The following MCU variants were observed in gnomAD, a reference collection of about 807,000 sequenced individuals.
MCU encodes mitochondrial calcium uniporter.
Under a neutral mutation model 45.2 loss-of-function variants are expected in MCU, and 12 were observed. The ratio of observed to expected loss-of-function variants is 0.27; its 90% CI spans 0.17 to 0.43. The LOEUF (loss-of-function observed/expected upper bound fraction) is 0.43. Among genes scored for constraint, MCU ranks in the 20% least tolerant of loss-of-function variants. The probability of loss-of-function intolerance (pLI) is 1.00; values close to 1 mark genes in which losing one functional copy is unlikely to be tolerated. For synonymous variants in MCU, 160 were observed against 165.1 expected (o/e 0.97, Z 0.24); for missense variants, 324 against 436.7 (o/e 0.74, Z 2.30).
chr10:72,805,258 T>C (rs1207817044), intron 1 of MCU, among the ~76,000 whole-genome samples: 2 of 149,306 alleles, frequency 1.3e-5, no homozygotes, highest in Non-Finnish European at 3.0e-5. Context: ...CCTTTCTTCT[T>C]TTTTTTTGGA....
At chr10:72,814,305 C>T (rs12146246) in intron 1 of MCU, among the ~76,000 whole-genome samples, 68,544 of 152,014 alleles carry the variant, frequency 0.45, 19,876 homozygotes, top group Non-Finnish European at 0.67. Flanking sequence ...GCTGCTGGAA[C>T]GGATCTCCAA....
At chr10:72,813,703 C>T (rs1844581289) in intron 1 of MCU, among the ~76,000 whole-genome samples, 1 of 152,034 alleles carries the variant, frequency 6.6e-6, no homozygotes, top group African/African-American at 2.4e-5. Flanking sequence ...AAGTGATCTG[C>T]CCGCCTCAGC....
chr10:72,799,619 A>G (rs1390640296), intron 1 of MCU, among the ~76,000 whole-genome samples: 2 of 152,056 alleles, frequency 1.3e-5, no homozygotes, highest in Non-Finnish European at 2.9e-5. Context: ...ACTATGCCCA[A>G]CTCAGAACAT....
chr10:72,751,241 G>A (rs1307321762), intron 1 of MCU, among the ~76,000 whole-genome samples: 1 of 149,450 alleles, frequency 6.7e-6, no homozygotes, highest in Non-Finnish European at 1.5e-5. Flanking sequence ...GACCTCAAGT[G>A]ATCCACCTGC....
intron 6 of MCU, among the ~76,000 whole-genome samples, chr10:72,873,739 C>G (rs1198088503): frequency 2.6e-5 from 4 of 152,184 alleles, no homozygotes; most frequent in Admixed American, 6.5e-5. Context: ...TAGTTCAGGT[C>G]TTAGATTGAA....
At chr10:72,863,660 A>AG (rs1224681325) in intron 4 of MCU, among the ~76,000 whole-genome samples, 13 of 152,192 alleles carry the variant, frequency 8.5e-5, no homozygotes, top group African/African-American at 3.1e-4. Flanking sequence ...TCTGTCCCCC[A>AG]GGCTGGAGTG....
At chr10:72,758,327 T>G (rs1843606905) in intron 1 of MCU, among the ~76,000 whole-genome samples, 1 of 152,202 alleles carries the variant, frequency 6.6e-6, no homozygotes, top group African/African-American at 2.4e-5. Flanking sequence ...CCACATGCCA[T>G]TGCACCTGCT....
intron 6 of MCU, among the ~76,000 whole-genome samples, chr10:72,879,718 ACT>A (rs1274059618): frequency 2.0e-5 from 3 of 152,184 alleles, no homozygotes. Flanking sequence ...ACAATAATAA[ACT>A]CTTATGGAAT....
chr10:72,885,360 A>G (rs144972326), intron 7 of MCU, among the ~76,000 whole-genome samples: 113 of 152,344 alleles, frequency 7.4e-4, no homozygotes, highest in Middle Eastern at 3.4e-3. Context: ...GTACTGGATA[A>G]ATAACTAAAA....
At chr10:72,805,101 C>CTCTCTCTCTCTTTCTT (rs1554824918) in intron 1 of MCU, among the ~76,000 whole-genome samples, 2 of 103,398 alleles carry the variant, frequency 1.9e-5, no homozygotes, top group Non-Finnish European at 3.7e-5. Flanking sequence ...TTCTTTCTTT[C>CTCTCTCTCTCTTTCTT]TCTTTCTTTC....
chr10:72,781,299 T>C (rs1473471353), intron 1 of MCU, among the ~76,000 whole-genome samples: 2 of 152,248 alleles, frequency 1.3e-5, no homozygotes, highest in African/African-American at 4.8e-5. Context: ...ATCATCATAC[T>C]CTTAGCCTGG....
chr10:72,698,380 G>A (rs555974977), intron 1 of MCU, among the ~76,000 whole-genome samples: 4 of 152,264 alleles, frequency 2.6e-5, no homozygotes, highest in Non-Finnish European at 5.9e-5. Context: ...CTGCTAGGAT[G>A]TTTTTATTTC....
intron 4 of MCU, among the ~76,000 whole-genome samples, chr10:72,862,662 G>A (rs1466286668): frequency 6.6e-6 from 1 of 152,158 alleles, no homozygotes; most frequent in African/African-American, 2.4e-5. Flanking sequence ...GCCTCCTCCT[G>A]TGCAGCCTGG....
At chr10:72,859,147 A>G (rs1321880731) in intron 2 of MCU, 30 bp from the exon 3 acceptor site, 6 of 1,533,922 alleles carry the variant, frequency 3.9e-6, no homozygotes, top group Non-Finnish European at 4.4e-6. Context: ...AAATCCAATT[A>G]TCATATGTTT....
At chr10:72,838,023 AT>A (rs572308436) in intron 2 of MCU, among the ~76,000 whole-genome samples, 130 of 146,078 alleles carry the variant, frequency 8.9e-4, no homozygotes, top group Middle Eastern at 3.5e-3. Flanking sequence ...CGCCTGGCTA[AT>A]TTTTTTTTTT....
At chr10:72,776,898 C>T (rs941069295) in intron 1 of MCU, among the ~76,000 whole-genome samples, 4 of 152,054 alleles carry the variant, frequency 2.6e-5, no homozygotes, top group African/African-American at 7.2e-5. Flanking sequence ...CATACAAAAT[C>T]AGTAGCATTT....
rs534803956 is a variant in MCU, at chr10:72,734,684, G to A, written c.150+42383G>A. ...GCTGGAGCTTGGTGGCCTGATCATG[G>A]CTCACCGCAGCCTTGACCTCCCAGG... On this transcript the variant is annotated intron_variant, in intron 1 of 7. Coordinates refer to ENST00000373053, the MANE Select transcript of MCU (RefSeq NM_138357.3). 3.3e-5 allele frequency among the ~76,000 whole-genome samples: 5 copies of A among 152,172 alleles called. No homozygotes were observed. In the South Asian group the frequency reaches 1.0e-3, roughly 32 times the overall value.
At chr10:72,714,923 A>G (rs994925372) in intron 1 of MCU, among the ~76,000 whole-genome samples, 13 of 152,338 alleles carry the variant, frequency 8.5e-5, no homozygotes, top group African/African-American at 2.4e-4. Context: ...CTAGGTTACA[A>G]CTAATTTTTT....
chr10:72,858,530 A>G (rs1845328079), intron 2 of MCU, among the ~76,000 whole-genome samples: 1 of 152,132 alleles, frequency 6.6e-6, no homozygotes, highest in Admixed American at 6.5e-5. Flanking sequence ...AAGAATGCCT[A>G]ATGGTGGCTA....
Sources: gnomAD v4.1 joint callset for allele counts (sites outside exome capture counted in the v4.1 genomes callset) on GRCh38, gnomAD v4.1.1 for gene constraint, MANE v1.5 for transcripts, NCBI Gene and HGNC (gene_info 2026-07-23, HGNC 2026-07-21) for gene names.